TSFM: variants seen among roughly 807,000 people sequenced by gnomAD.
TSFM encodes elongation factor Ts, mitochondrial.
A neutral mutation model predicts 33.4 loss-of-function variants in TSFM; 29 were observed. That is an observed-to-expected ratio of 0.87 (90% CI 0.65 to 1.18). TSFM has a LOEUF of 1.18. Among genes scored for constraint, TSFM ranks in the 50% most tolerant of loss-of-function variants. The probability of loss-of-function intolerance (pLI) is 0.00; values close to 1 mark genes in which losing one functional copy is unlikely to be tolerated. For missense variants in TSFM, 394 were observed against 395.6 expected, an observed-to-expected ratio of 1.00 and a Z score of 0.04; for synonymous variants, 178 against 163.5, an observed-to-expected ratio of 1.09 and a Z score of -0.68.
chr12:57,784,772 C>T (rs910586749), intron 2 of TSFM, among the ~76,000 whole-genome samples: 4 of 150,866 alleles, frequency 2.7e-5, no homozygotes, highest in Admixed American at 6.6e-5. Flanking sequence ...CCCAGCTACT[C>T]GGGAGGCTGA....
At chr12:57,802,612 T>C (rs1230341011) in exon 6 of TSFM, 1 of 703,328 alleles carries the variant, frequency 1.4e-6, no homozygotes, top group Middle Eastern at 2.3e-4. Context: ...TCCAACTTCT[T>C]GCAGAACACC....
At position 57,785,598 on chromosome 12, in the gene TSFM, T is replaced by C. The variant is rs549299198; in HGVS notation, c.232-565T>C. On this transcript the variant is annotated intron_variant, in intron 2 of 5. Coordinates refer to ENST00000652027, the MANE Select transcript of TSFM (RefSeq NM_005726.6). The stretch of plus-strand genomic sequence containing the variant: ...GAAATTCAGCCACCCGAGTAGTTTA[T>C]AAGTTGGAGTACACTCTAAAATAAC... Among the ~76,000 whole-genome samples the C allele has an allele frequency of 1.3e-4, 20 of 152,276 alleles. No homozygotes were observed. The South Asian group carries it at 3.5e-3, about 27-fold the overall frequency.
intron 5 of TSFM, among the ~76,000 whole-genome samples, chr12:57,795,175 T>C (rs1199571583): frequency 2.0e-5 from 3 of 151,518 alleles, no homozygotes; most frequent in Non-Finnish European, 4.4e-5. Flanking sequence ...TCTCGCTCGC[T>C]GTAACCTCTG....
rs1955759862 is a variant in TSFM at position 57,797,492 on chromosome 12, A to G, written c.*909A>G. The G allele has an allele frequency of 3.1e-6, 3 of 979,254 alleles. No individual in the cohort carries two copies. Among genetic ancestry groups the G allele is most frequent in the Admixed American group, 6.1e-5 (1 of 16,278 alleles). The allele number at this position is 979,254 out of a possible 1,614,324, so 60.7% of individuals were successfully genotyped here. The stretch of plus-strand genomic sequence containing the variant: ...ATATGATTTCAATGATTTACAGGCT[A>G]AATAGATTTTAGAAATAATCATCTT... On this transcript the variant is annotated 3_prime_UTR_variant, in exon 6 of 6. Transcript: ENST00000652027.
chr12:57,795,692 G>T (rs1955726808), intron 5 of TSFM, among the ~76,000 whole-genome samples: 1 of 151,952 alleles, frequency 6.6e-6, no homozygotes, highest in African/African-American at 2.4e-5. Context: ...TCGGCTCACT[G>T]CAACCTCCGC....
At chr12:57,799,861 A>T, downstream of TSFM, 1 of 1,614,152 alleles carries the variant, frequency 6.2e-7, no homozygotes, top group South Asian at 1.1e-5. Context: ...GAACTGCTAT[A>T]GGGTAATATT....
chr12:57,798,842 C>T (rs1203169817), downstream of TSFM, among the ~76,000 whole-genome samples: 1 of 152,114 alleles, frequency 6.6e-6, no homozygotes, highest in East Asian at 1.9e-4. Context: ...GTCTCGAACT[C>T]CTGACCTCGT....
downstream of TSFM, chr12:57,801,164 C>T (rs1955839705): frequency 1.2e-6 from 2 of 1,613,728 alleles, no homozygotes; most frequent in South Asian, 1.1e-5. Flanking sequence ...CGCATGATAG[C>T]AGCAGCATCT....
rs374795252 is a variant in TSFM, at chr12:57,792,976, G to A, written c.484-10G>A. On this transcript the variant is annotated splice_polypyrimidine_tract_variant and intron_variant, in intron 4 of 5. Transcript: ENST00000652027. ...GAATCAGTTCATGTTTGTTTTCTTC[G>A]TGCACTTAGGGTTTCTTGAATTCCT... The A allele has an allele frequency of 5.1e-5, 82 of 1,612,554 alleles. No homozygotes were observed. The highest frequency in any genetic ancestry group is 4.0e-4 in the South Asian group (36 of 91,038).
chr12:57,800,652 GGCT>G (rs1955825981), downstream of TSFM: 1 of 153,448 alleles, frequency 6.5e-6, no homozygotes, highest in African/African-American at 2.4e-5. Context: ...CTGTTGCCCA[GGCT>G]GGAGTGCAGT....
intron 2 of TSFM, chr12:57,783,540 G>C (rs1955543204): frequency 1.5e-6 from 1 of 664,962 alleles, no homozygotes; most frequent in African/African-American, 1.8e-5. Flanking sequence ...TGTGAGCTTT[G>C]GAGTCAGATT....
intron 2 of TSFM, 111 bp from the exon 3 acceptor site, chr12:57,786,052 A>G: frequency 7.7e-7 from 1 of 1,294,586 alleles, no homozygotes; most frequent in Non-Finnish European, 1.0e-6. Context: ...AGATTACTTT[A>G]GTTTCTGTTA....
chr12:57,787,094 C>T lies in TSFM; in HGVS notation c.415C>T (p.Gln139Ter), dbSNP rs756081083. Residue 139 changes from glutamine (Q) to a stop codon, truncating the protein, a stop_gained, in exon 4 of 6, where the codon CAG becomes TAG. Coordinates refer to ENST00000652027, the MANE Select transcript of TSFM (RefSeq NM_005726.6). LOFTEE classifies it high-confidence loss of function. ...SRNLKFQLLV[Q>*]QVALGTMMHC... is the part of the protein sequence containing the mutation. Reference sequence around the variant, plus strand: ...AAATTTAAAATTTCAACTGTTGGTCCAGCAAGTAGCCCTTGGAACCATGAT... The same window carrying T: ...AAATTTAAAATTTCAACTGTTGGTCTAGCAAGTAGCCCTTGGAACCATGAT... The T allele has an allele frequency of 6.2e-7, 1 of 1,611,654 alleles. No individual in the cohort carries two copies. Among genetic ancestry groups the T allele is most frequent in the African/African-American group, 1.3e-5 (1 of 75,022 alleles).
chr12:57,792,395 AAAAG>A (rs1261591244), intron 4 of TSFM, among the ~76,000 whole-genome samples: 1 of 152,238 alleles, frequency 6.6e-6, no homozygotes, highest in Admixed American at 6.5e-5. Flanking sequence ...ATTTAAAAGA[AAAAG>A]AAAATAATTG....
At chr12:57,800,019 C>T, downstream of TSFM, 1 of 1,444,272 alleles carries the variant, frequency 6.9e-7, no homozygotes, top group Non-Finnish European at 9.5e-7. Flanking sequence ...TGACTTATGC[C>T]ACTTCACCCT....
intron 2 of TSFM, among the ~76,000 whole-genome samples, chr12:57,785,075 C>T (rs867115227): frequency 1.5e-4 from 22 of 151,464 alleles, no homozygotes; most frequent in African/African-American, 3.9e-4. Context: ...TACAGGCGCC[C>T]GCCACCACGC....
downstream of TSFM, among the ~76,000 whole-genome samples, chr12:57,801,790 GTTGA>G (rs1955854006): frequency 1.3e-5 from 2 of 152,070 alleles, no homozygotes; most frequent in Admixed American, 6.6e-5. Flanking sequence ...CTGGCTTTCT[GTTGA>G]TTAACTGTGA....
intron 4 of TSFM, among the ~76,000 whole-genome samples, chr12:57,789,799 A>G (rs551847809): frequency 2.0e-5 from 3 of 152,352 alleles, no homozygotes; most frequent in Non-Finnish European, 4.4e-5. Flanking sequence ...ATAACTCATT[A>G]TTCGTTTTGA....
intron 3 of TSFM, 147 bp downstream of exon 3, chr12:57,786,438 T>A: frequency 9.6e-7 from 1 of 1,045,130 alleles, no homozygotes; most frequent in Non-Finnish European, 1.3e-6. Flanking sequence ...AAACCCTGGG[T>A]ATTAGTTACG....
Sources: gnomAD v4.1 joint callset for allele counts (sites outside exome capture counted in the v4.1 genomes callset) on GRCh38, gnomAD v4.1.1 for gene constraint, MANE v1.5 for transcripts, NCBI Gene and HGNC (gene_info 2026-07-23, HGNC 2026-07-21) for gene names.